The following GRM8 variants were observed in gnomAD, a reference collection of about 807,000 sequenced individuals.
The protein encoded by GRM8 is glutamate metabotropic receptor 8.
Under a neutral mutation model 87.2 loss-of-function variants are expected in GRM8, and 47 were observed. That is an observed-to-expected ratio of 0.54 (90% CI 0.43 to 0.69). GRM8 has a LOEUF of 0.69. GRM8 is among the 30% of genes least tolerant of loss of function. The probability of loss-of-function intolerance (pLI) is 0.00; values close to 1 mark genes in which losing one functional copy is unlikely to be tolerated. For synonymous variants in GRM8, 396 were observed against 404.5 expected, an observed-to-expected ratio of 0.98 and a Z score of 0.25; for missense variants, 1,019 against 1,139.2, an observed-to-expected ratio of 0.89 and a Z score of 1.52.
chr7:126,900,873 C>A (rs554097493), intron 6 of GRM8, among the ~76,000 whole-genome samples: 1 of 152,252 alleles, frequency 6.6e-6, no homozygotes, highest in Non-Finnish European at 1.5e-5. Context: ...TCCTCATTGA[C>A]CTGCCTCCAT....
At chr7:126,788,524 C>G (rs1488777369) in intron 6 of GRM8, among the ~76,000 whole-genome samples, 2 of 150,122 alleles carry the variant, frequency 1.3e-5, no homozygotes, top group East Asian at 4.0e-4. Flanking sequence ...TTTATATTTT[C>G]TTTTTTTCAG....
intron 3 of GRM8, among the ~76,000 whole-genome samples, chr7:127,042,806 C>T (rs899149862): frequency 1.6e-4 from 25 of 152,018 alleles, no homozygotes; most frequent in African/African-American, 5.6e-4. Flanking sequence ...CAAAAGAAAC[C>T]ACCATCAGAG....
chr7:126,558,451 T>A (rs1320072448), intron 8 of GRM8, among the ~76,000 whole-genome samples: 2 of 152,136 alleles, frequency 1.3e-5, no homozygotes, highest in African/African-American at 2.4e-5. Flanking sequence ...AAAGCCACCC[T>A]CTCAACCTCT....
At chr7:126,568,881 C>T (rs1794461853) in intron 8 of GRM8, among the ~76,000 whole-genome samples, 1 of 151,922 alleles carries the variant, frequency 6.6e-6, no homozygotes, top group Non-Finnish European at 1.5e-5. Context: ...TGGGATCTAG[C>T]CAAGATGAAA....
At chr7:126,590,328 C>T (rs560329801) in intron 8 of GRM8, among the ~76,000 whole-genome samples, 108 of 151,022 alleles carry the variant, frequency 7.2e-4, no homozygotes, top group Non-Finnish European at 1.3e-3. Flanking sequence ...TCAACAAAGA[C>T]AAAGAAAAAA....
intron 9 of GRM8, among the ~76,000 whole-genome samples, chr7:126,468,218 T>C (rs984069897): frequency 2.0e-5 from 3 of 151,672 alleles, no homozygotes; most frequent in Non-Finnish European, 4.4e-5. Flanking sequence ...CAAAAAGAAT[T>C]GAAATGCTGA....
intron 3 of GRM8, among the ~76,000 whole-genome samples, chr7:126,940,466 G>A (rs1348728225): frequency 2.6e-5 from 4 of 152,118 alleles, no homozygotes; most frequent in Admixed American, 2.6e-4. Flanking sequence ...CATATGGTGG[G>A]CACTCACTGG....
chr7:126,507,287 C>T (rs1810632003), intron 9 of GRM8, among the ~76,000 whole-genome samples: 4 of 152,090 alleles, frequency 2.6e-5, no homozygotes, highest in Admixed American at 2.6e-4. Flanking sequence ...CTGTCACTCA[C>T]CTATCTTTGT....
At chr7:126,769,587 C>T (rs567908441) in intron 7 of GRM8, among the ~76,000 whole-genome samples, 2 of 152,148 alleles carry the variant, frequency 1.3e-5, no homozygotes, top group South Asian at 2.1e-4. Flanking sequence ...TTCAAATAAG[C>T]CTTCTAAGTG....
intron 7 of GRM8, among the ~76,000 whole-genome samples, chr7:126,699,159 T>A (rs1421834127): frequency 6.6e-6 from 1 of 152,172 alleles, no homozygotes; most frequent in Non-Finnish European, 1.5e-5. Context: ...TCCCAGTGAA[T>A]TAATGGGTTC....
At chr7:127,015,176 GAGAAGAAGAAGAAGAAGA>G (rs778849282) in intron 3 of GRM8, among the ~76,000 whole-genome samples, 1,164 of 86,482 alleles carry the variant, frequency 0.013, 17 homozygotes, top group East Asian at 0.021. Context: ...GAAGGAGAAG[GAGAAGAAGAAGAAGAAGA>G]AGAAGAAGAA....
chr7:126,799,835 A>C (rs1313712978), intron 6 of GRM8, among the ~76,000 whole-genome samples: 2 of 152,056 alleles, frequency 1.3e-5, no homozygotes, highest in African/African-American at 2.4e-5. Flanking sequence ...TGCTCCCTCT[A>C]AGTTGGGTTT....
chr7:126,824,165 A>G (rs1333312214), intron 6 of GRM8, among the ~76,000 whole-genome samples: 2 of 152,120 alleles, frequency 1.3e-5, no homozygotes, highest in African/African-American at 4.8e-5. Context: ...TATTATTATT[A>G]TTTCTTAGGT....
chr7:126,588,523 T>C (rs1453294137), intron 8 of GRM8, among the ~76,000 whole-genome samples: 5 of 152,076 alleles, frequency 3.3e-5, no homozygotes, highest in Admixed American at 1.3e-4. Context: ...CACAGAGCTA[T>C]TCACAAAAGC....
rs538330938 is a variant in GRM8 at position 126,994,974 on chromosome 7, G to C, written c.728-90291C>G. Among the ~76,000 whole-genome samples the C allele has an allele frequency of 6.5e-3, 995 of 152,216 alleles. 5 individuals are homozygous for C. Among genetic ancestry groups the C allele is most frequent in the Non-Finnish European group, 0.011 (744 of 67,978 alleles). ...TGTGCTGGCTTCAGGTCTGACCTGGGATAGTCCCAGTGGTGGTGGCCACAG... is the reference window on the plus strand; with the variant it reads ...TGTGCTGGCTTCAGGTCTGACCTGGCATAGTCCCAGTGGTGGTGGCCACAG... On this transcript the variant is annotated intron_variant, in intron 3 of 10. Coordinates refer to ENST00000339582, the MANE Select transcript of GRM8 (RefSeq NM_000845.3).
At chr7:127,007,677 C>T (rs936856942) in intron 3 of GRM8, among the ~76,000 whole-genome samples, 2 of 152,026 alleles carry the variant, frequency 1.3e-5, no homozygotes, top group Non-Finnish European at 2.9e-5. Context: ...AAAGCTTTTT[C>T]ACCTGGCTTT....
At chr7:126,974,488 T>C (rs929217624) in intron 3 of GRM8, among the ~76,000 whole-genome samples, 2 of 152,148 alleles carry the variant, frequency 1.3e-5, no homozygotes, top group Admixed American at 1.3e-4. Context: ...TTAAAAAAGT[T>C]TGATCAAACT....
chr7:126,832,307 T>C (rs1795467560), intron 6 of GRM8, among the ~76,000 whole-genome samples: 1 of 152,164 alleles, frequency 6.6e-6, no homozygotes, highest in Non-Finnish European at 1.5e-5. Flanking sequence ...GGTTTTATGA[T>C]ATCAATTTTA....
At chr7:126,568,085 A>G (rs1397512608) in intron 8 of GRM8, among the ~76,000 whole-genome samples, 2 of 152,194 alleles carry the variant, frequency 1.3e-5, no homozygotes, top group Non-Finnish European at 2.9e-5. Flanking sequence ...ACTAGTTAAA[A>G]TTATAAAAAG....
Sources: allele counts gnomAD v4.1 joint callset (sites outside exome capture counted in the v4.1 genomes callset), GRCh38; gene constraint gnomAD v4.1.1; transcripts MANE v1.5; gene names NCBI Gene and HGNC (gene_info 2026-07-23, HGNC 2026-07-21).